IQCM: variants seen among roughly 807,000 people sequenced by gnomAD.
IQCM encodes IQ motif containing M, also known as IQ domain-containing protein M.
Under a neutral mutation model 57.6 loss-of-function variants are expected in IQCM, and 45 were observed. That is an observed-to-expected ratio of 0.78 (90% CI 0.62 to 1.00). The LOEUF is 1.00. IQCM is among the 50% of genes least tolerant of loss of function. The pLI is 0.00. For synonymous variants in IQCM, 148 were observed against 158.9 expected (o/e 0.93, Z 0.51); for missense variants, 468 against 511.6 (o/e 0.91, Z 0.82).
chr4:149,612,621 C>CA (rs1579698612), intron 8 of IQCM, among the ~76,000 whole-genome samples: 1 of 151,762 alleles, frequency 6.6e-6, no homozygotes, highest in Non-Finnish European at 1.5e-5. Flanking sequence ...TTTTAAAAAA[C>CA]AAAAAAAGCG....
intron 5 of IQCM, among the ~76,000 whole-genome samples, chr4:149,695,624 T>C (rs1002743885): frequency 6.6e-6 from 1 of 152,180 alleles, no homozygotes; most frequent in African/African-American, 2.4e-5. Flanking sequence ...AGTGTCAATA[T>C]ATTTTTAATA....
chr4:149,372,979 C>G (rs1469695260), intron 13 of IQCM, among the ~76,000 whole-genome samples: 1 of 152,008 alleles, frequency 6.6e-6, no homozygotes, highest in Non-Finnish European at 1.5e-5. Flanking sequence ...AAATCTGTGT[C>G]TATAAGACAG....
At chr4:149,411,844 T>C (rs547886271) in intron 13 of IQCM, among the ~76,000 whole-genome samples, 8 of 152,308 alleles carry the variant, frequency 5.3e-5, no homozygotes, top group African/African-American at 1.9e-4. Flanking sequence ...ATAAATACTA[T>C]GTCCTATGAC....
At chr4:149,680,290 C>A (rs1409377891) in intron 7 of IQCM, among the ~76,000 whole-genome samples, 4 of 151,274 alleles carry the variant, frequency 2.6e-5, no homozygotes, top group African/African-American at 9.7e-5. Flanking sequence ...TATTGAGATA[C>A]TTATAATATC....
intron 5 of IQCM, among the ~76,000 whole-genome samples, chr4:149,721,254 A>G (rs532282859): frequency 1.5e-4 from 23 of 152,290 alleles, no homozygotes; most frequent in African/African-American, 5.3e-4. Context: ...TGCTTAAGTT[A>G]TATGCAAATA....
At chr4:149,735,775 T>C (rs1424422433) in intron 3 of IQCM, among the ~76,000 whole-genome samples, 1 of 152,176 alleles carries the variant, frequency 6.6e-6, no homozygotes. Flanking sequence ...TTTCCATACT[T>C]GATGACTAAT....
At chr4:149,757,202 G>A (rs572323794) in intron 2 of IQCM, among the ~76,000 whole-genome samples, 106 of 151,936 alleles carry the variant, frequency 7.0e-4, no homozygotes, top group South Asian at 3.7e-3. Flanking sequence ...AGCTCGCAGT[G>A]AGCCAAGATC....
At chr4:149,438,555 T>G (rs1560838000) in intron 12 of IQCM, among the ~76,000 whole-genome samples, 2 of 152,220 alleles carry the variant, frequency 1.3e-5, no homozygotes, top group East Asian at 3.9e-4. Flanking sequence ...TCATTTTGAT[T>G]TGAAATAAGT....
intron 12 of IQCM, among the ~76,000 whole-genome samples, chr4:149,518,584 T>C (rs1291375395): frequency 6.6e-6 from 1 of 152,112 alleles, no homozygotes; most frequent in East Asian, 1.9e-4. Flanking sequence ...TATAAAGTAC[T>C]AGCCAGGAAA....
chr4:149,618,159 T>C (rs561757341), intron 8 of IQCM, among the ~76,000 whole-genome samples: 2 of 152,236 alleles, frequency 1.3e-5, no homozygotes, highest in African/African-American at 4.8e-5. Flanking sequence ...AATAGATACA[T>C]ACATCAATGG....
At position 149,465,746 on chromosome 4, in the gene IQCM, T is replaced by C. The variant is rs75808278; in HGVS notation, c.1229-32189A>G. Among the ~76,000 whole-genome samples the C allele has an allele frequency of 1.5e-3, 228 of 152,276 alleles. 3 individuals are homozygous for C. The highest frequency in any genetic ancestry group is 5.3e-3 in the African/African-American group (219 of 41,562). On this transcript the variant is annotated intron_variant, in intron 12 of 13. Transcript: ENST00000636793. ...TTCAAGAAGGAAAAAAAAAAGTTTT[T>C]TTTTTGTTTCTAGTTGGCCATGTAT...
chr4:149,733,612 GTACA>G (rs1766666605), intron 4 of IQCM, 104 bp from the exon 5 acceptor site: 2 of 517,586 alleles, frequency 3.9e-6, no homozygotes, highest in Non-Finnish European at 5.9e-6. Context: ...TGCACCTCTA[GTACA>G]TACATTTTAC....
intron 13 of IQCM, among the ~76,000 whole-genome samples, chr4:149,395,675 C>G (rs1187548986): frequency 6.6e-6 from 1 of 151,992 alleles, no homozygotes; most frequent in Non-Finnish European, 1.5e-5. Flanking sequence ...TTCTAAGTAG[C>G]TCACTTCGAT....
At chr4:149,446,455 C>G (rs1254677119) in intron 12 of IQCM, among the ~76,000 whole-genome samples, 1 of 151,530 alleles carries the variant, frequency 6.6e-6, no homozygotes, top group Admixed American at 6.6e-5. Context: ...GTAAATGATA[C>G]TTTTATTTTA....
chr4:149,626,159 C>A (rs1579754590), intron 7 of IQCM, among the ~76,000 whole-genome samples: 1 of 151,744 alleles, frequency 6.6e-6, no homozygotes, highest in African/African-American at 2.4e-5. Context: ...ACAGTCTAAT[C>A]AACTGCCAGC....
Position 149,682,415 on chromosome 4 carries a change from C to T in IQCM, c.477-209G>A, listed in dbSNP as rs544928904. ...CTACGAAATTTTGCTGGTTCTGAGA[C>T]GAATAACAAATAGGAACATTTGCTT... On this transcript the variant is annotated intron_variant, in intron 6 of 13. Coordinates refer to ENST00000636793, the MANE Select transcript of IQCM (RefSeq NM_001363507.2). 1.8e-4 allele frequency among the ~76,000 whole-genome samples: 27 copies of T among 151,078 alleles called. No homozygotes were observed. The South Asian group carries it at 2.5e-3, about 14-fold the overall frequency.
Position 149,557,110 on chromosome 4 carries a change from G to A in IQCM, c.949-3823C>T, listed in dbSNP as rs769068199. 5.9e-5 allele frequency among the ~76,000 whole-genome samples: 9 copies of A among 152,238 alleles called. No individual in the cohort carries two copies. In the East Asian group the frequency reaches 1.2e-3, roughly 20 times the overall value. On this transcript the variant is annotated intron_variant, in intron 10 of 13. Coordinates refer to ENST00000636793, the MANE Select transcript of IQCM (RefSeq NM_001363507.2). ...TAGAAAGGGTGCCTCTCTATAGGCC[G>A]TGGTTCTTGGCTTCATGTCTCTGAT...
intron 13 of IQCM, among the ~76,000 whole-genome samples, chr4:149,356,900 T>A (rs958050494): frequency 4.6e-5 from 7 of 152,220 alleles, no homozygotes; most frequent in African/African-American, 1.7e-4. Context: ...TTCCATTTCT[T>A]TGTATCCTCT....
intron 5 of IQCM, among the ~76,000 whole-genome samples, chr4:149,717,404 G>A (rs1019495991): frequency 5.1e-4 from 77 of 152,282 alleles, no homozygotes; most frequent in African/African-American, 1.8e-3. Flanking sequence ...AGAGGACACA[G>A]AATTATTCTG....
Sources: allele counts gnomAD v4.1 joint callset (sites outside exome capture counted in the v4.1 genomes callset), GRCh38; gene constraint gnomAD v4.1.1; transcripts MANE v1.5; gene names NCBI Gene and HGNC (gene_info 2026-07-23, HGNC 2026-07-21).